EXTL1: variants seen among roughly 807,000 people sequenced by gnomAD.
The protein encoded by EXTL1 is exostosin-like 1.
Under a neutral mutation model 64.6 loss-of-function variants are expected in EXTL1, and 43 were observed. That is an observed-to-expected ratio of 0.67 (90% confidence interval 0.52 to 0.86). EXTL1 has a LOEUF of 0.86. EXTL1 is among the 40% of genes least tolerant of loss of function. The pLI, the probability that EXTL1 is intolerant of heterozygous loss-of-function variation, is 0.00. For missense variants in EXTL1, 766 were observed against 879.0 expected (o/e 0.87, Z 1.62); for synonymous variants, 352 against 360.5 (o/e 0.98, Z 0.27).
intron 1 of EXTL1, among the ~76,000 whole-genome samples, chr1:26,027,565 G>A (rs74223979): frequency 0.038 from 5,789 of 151,682 alleles, 282 homozygotes; most frequent in East Asian, 0.13. Flanking sequence ...TTAAGACAGC[G>A]TAGAAGAAGG....
At chr1:26,027,664 G>A (rs1387784649) in intron 1 of EXTL1, among the ~76,000 whole-genome samples, 1 of 130,612 alleles carries the variant, frequency 7.7e-6, no homozygotes, top group Non-Finnish European at 1.7e-5. Flanking sequence ...GAGACAGCCT[G>A]GGCAACACAG....
Position 26,029,604 on chromosome 1 carries a change from G to C in EXTL1, c.878G>C (p.Gly293Ala). ...ASRFLQALQA[G>A]CIPVLLSPRW... ...AGTGACCTCCCCGCCCCCCAGGCCG[G>C]CTGCATCCCAGTGCTTCTCAGCCCC... The change falls in exon 3 of 11, where the codon GGC becomes GCC. Residue 293 changes from glycine to alanine, a missense_variant. Gly to Ala is a moderately conservative substitution (Grantham distance 60). This residue lies in a region of EXTL1 where 571 missense variants were observed against 647.6 expected (regional missense o/e 0.88). Transcript: ENST00000374280. 1 of 1,602,592 alleles carries C rather than the reference G, an allele frequency of 6.2e-7. No individual in the cohort carries two copies. Among genetic ancestry groups the C allele is most frequent in the Non-Finnish European group, 8.5e-7 (1 of 1,174,014 alleles).
At position 26,029,716 on chromosome 1, in the gene EXTL1, G is replaced by C. The variant is rs1040805790; in HGVS notation, c.981+9G>C. 6.9e-6 allele frequency: 11 copies of C among 1,586,214 alleles called. No individual in the cohort carries two copies. The African/African-American group carries it at 1.5e-4, about 21-fold the overall frequency. On this transcript the variant is annotated intron_variant, in intron 3 of 10. Coordinates refer to ENST00000374280, the MANE Select transcript of EXTL1 (RefSeq NM_004455.3). ...AGAGGCTCCCACTTCAGGTAGCTCA[G>C]AGCCCTGCCCACAGGGTGGGAACTG...
intron 1 of EXTL1, 82 bp from the exon 2 acceptor site, chr1:26,029,111 G>A (rs2050250221): frequency 1.0e-6 from 1 of 975,830 alleles, no homozygotes; most frequent in Admixed American, 1.9e-5. Context: ...GGGGTGTGGG[G>A]TTCTCCCATT....
chr1:26,032,297 T>A, intron 6 of EXTL1, 99 bp from the exon 7 acceptor site: 4 of 764,998 alleles, frequency 5.2e-6, no homozygotes, highest in Non-Finnish European at 8.9e-6. Context: ...AAAGCTGACT[T>A]CTCAAACTTC....
Position 26,029,605 on chromosome 1 carries a change from C to A in EXTL1, c.879C>A (p.Gly293=), listed in dbSNP as rs2124408034. 1 of 1,603,442 alleles carries A rather than the reference C, an allele frequency of 6.2e-7. No individual in the cohort carries two copies. Among genetic ancestry groups the A allele is most frequent in the Non-Finnish European group, 8.5e-7 (1 of 1,174,450 alleles). The change falls in exon 3 of 11, where the codon GGC becomes GGA. Residue 293 remains glycine (G), a synonymous_variant. Transcript: ENST00000374280. Reference sequence around the variant, plus strand: ...GTGACCTCCCCGCCCCCCAGGCCGGCTGCATCCCAGTGCTTCTCAGCCCCC... The same window carrying A: ...GTGACCTCCCCGCCCCCCAGGCCGGATGCATCCCAGTGCTTCTCAGCCCCC... ...ASRFLQALQA[G]CIPVLLSPRW...
In EXTL1 at chr1:26,033,059, G is replaced by C. The variant is rs941789877; in HGVS notation, c.1432-170G>C. On this transcript the variant is annotated intron_variant, in intron 7 of 10. Coordinates refer to ENST00000374280, the MANE Select transcript of EXTL1 (RefSeq NM_004455.3). This position sits in a 1 kb window ranked among gnomAD's most constrained non-coding sequence, Gnocchi z 5.1. Reference sequence around the variant, plus strand: ...AAATGAGTTGCCCAGGTCCCAAAACGAGCTCTGCACAGGCTTGCCATATTT... The same window carrying C: ...AAATGAGTTGCCCAGGTCCCAAAACCAGCTCTGCACAGGCTTGCCATATTT... Among the ~76,000 whole-genome samples the C allele has an allele frequency of 3.3e-5, 5 of 152,124 alleles. No homozygotes were observed. The highest frequency in any genetic ancestry group is 1.2e-4 in the African/African-American group (5 of 41,432).
chr1:26,029,205 G>C lies in EXTL1; in HGVS notation c.792G>C (p.Gln264His). Residue 264 changes from glutamine to histidine, a missense_variant, in exon 2 of 11, where the codon CAG becomes CAC. By Grantham distance (24) the Gln-to-His change is conservative (BLOSUM62 0). Coordinates refer to ENST00000374280, the MANE Select transcript of EXTL1 (RefSeq NM_004455.3). ...TGTGCCTCTTTAGGACCCAGCGCCAGGAGACGCTGCCCAATGCCACCTTCT... is the reference window on the plus strand; with the variant it reads ...TGTGCCTCTTTAGGACCCAGCGCCACGAGACGCTGCCCAATGCCACCTTCT... ...QDPGPGQTQR[Q>H]ETLPNATFCL... 5.0e-6 allele frequency: 8 copies of C among 1,613,476 alleles called. No individual in the cohort carries two copies. The highest frequency in any genetic ancestry group is 2.2e-5 in the East Asian group (1 of 44,876).
At chr1:26,028,830 A>G (rs2050246415) in intron 1 of EXTL1, among the ~76,000 whole-genome samples, 1 of 152,184 alleles carries the variant, frequency 6.6e-6, no homozygotes, top group African/African-American at 2.4e-5. Flanking sequence ...GGGAGGGCAG[A>G]CGTGCATGTC....
rs757745355 is a variant in EXTL1 at position 26,023,344 on chromosome 1, G to GA, written c.698_699insA (p.Gly235TrpfsTer19). ...GCCCTGCTAGCCCTGGAAGAGGAGA[G>GA]GGGTGGGTGGCGCACAGCAGACACT... On this transcript the variant is annotated frameshift_variant, in exon 1 of 11. Transcript: ENST00000374280. LOFTEE classifies it high-confidence loss of function. 1.9e-5 allele frequency: 28 copies of GA among 1,507,448 alleles called. No homozygotes were observed. The Middle Eastern group carries it at 7.1e-4, about 38-fold the overall frequency. 93.4% of individuals were successfully genotyped at this position (1,507,448 alleles called of 1,614,324 possible). A position where few individuals can be genotyped will look rare whatever the true frequency, so the allele number is the denominator to read the frequency against.
In EXTL1 at chr1:26,033,603, G is replaced by A. The variant is rs1393264176; in HGVS notation, c.1519-93G>A. On this transcript the variant is annotated intron_variant, in intron 8 of 10. Transcript: ENST00000374280. The surrounding 1 kb of genome is among the most constrained non-coding windows in gnomAD (Gnocchi z 5.1). ...GCCCTCTCCCCTGAGTCCTGCCCGGGCCCCTCAGCCAGGCTGCCCCTGCCT... is the reference window on the plus strand; with the variant it reads ...GCCCTCTCCCCTGAGTCCTGCCCGGACCCCTCAGCCAGGCTGCCCCTGCCT... The A allele has an allele frequency of 1.4e-5, 19 of 1,358,668 alleles. No individual in the cohort carries two copies. The East Asian group carries it at 4.4e-4, about 31-fold the overall frequency. 84.2% of individuals were successfully genotyped at this position (1,358,668 alleles called of 1,614,324 possible).
rs753878876 is a variant in EXTL1 at position 26,034,429 on chromosome 1, G to A, written c.1680-407G>A. Among the ~76,000 whole-genome samples, 4 of 152,192 alleles carry A rather than the reference G, an allele frequency of 2.6e-5. No homozygotes were observed. The highest frequency in any genetic ancestry group is 9.7e-5 in the African/African-American group (4 of 41,438). ...GAGTGAAGAATTACCTAATGTCTGC[G>A]AGATGAGGCTGGCCTGTCTGAGGGC... On this transcript the variant is annotated intron_variant, in intron 9 of 10. Transcript: ENST00000374280. This position sits in a 1 kb window ranked among gnomAD's most constrained non-coding sequence, Gnocchi z 4.6.
Position 26,033,551 on chromosome 1 carries a change from C to T in EXTL1, c.1519-145C>T, listed in dbSNP as rs2050309606. ...CCTGGAAGCTTTCATGCCACACTTC[C>T]AGCCAATTCCAAGTCTTGGCTCCCG... On this transcript the variant is annotated intron_variant, in intron 8 of 10. Transcript: ENST00000374280. The surrounding 1 kb of genome is among the most constrained non-coding windows in gnomAD (Gnocchi z 5.1). The T allele has an allele frequency of 3.5e-6, 3 of 852,324 alleles. No individual in the cohort carries two copies. The highest frequency in any genetic ancestry group is 5.7e-6 in the Non-Finnish European group (3 of 527,780). 52.8% of individuals were successfully genotyped at this position (852,324 alleles called of 1,614,324 possible). A position where few individuals can be genotyped will look rare whatever the true frequency, so the allele number is the denominator to read the frequency against.
At position 26,025,027 on chromosome 1, in the gene EXTL1, A is replaced by C. The variant is rs1303699469; in HGVS notation, c.779+1602A>C. Among the ~76,000 whole-genome samples the C allele has an allele frequency of 6.6e-6, 1 of 152,114 alleles. No individual in the cohort carries two copies. The highest frequency in any genetic ancestry group is 2.4e-5 in the African/African-American group (1 of 41,416). ...TCACCCTCTGAGTAGCATTTTTGAT[A>C]AGTTTTATTTCCCAGGGGCGAAGCT... On this transcript the variant is annotated intron_variant, in intron 1 of 10. Transcript: ENST00000374280. The surrounding 1 kb of genome is among the most constrained non-coding windows in gnomAD (Gnocchi z 5.3).
At position 26,035,233 on chromosome 1, in the gene EXTL1, G is replaced by T. The variant is rs769010982; in HGVS notation, c.1917G>T (p.Ala639=). The T allele has an allele frequency of 2.5e-6, 4 of 1,613,382 alleles. No homozygotes were observed. Among genetic ancestry groups the T allele is most frequent in the African/African-American group, 2.7e-5 (2 of 74,924 alleles). The part of the protein sequence containing the change: ...APAPDCINQI[A]AAFGHMPLLS... ...CCCCCGACTGCATCAACCAGATAGCGGCAGCGTTCGGCCACATGCCCTTGC... is the reference window on the plus strand; with the variant it reads ...CCCCCGACTGCATCAACCAGATAGCTGCAGCGTTCGGCCACATGCCCTTGC... Residue 639 remains alanine (A), a synonymous_variant, in exon 11 of 11, where the codon GCG becomes GCT. Transcript: ENST00000374280. This position sits in a 1 kb window ranked among gnomAD's most constrained non-coding sequence, Gnocchi z 5.3.
Position 26,022,921 on chromosome 1 carries a change from G to A in EXTL1, c.275G>A (p.Arg92Lys). The A allele has an allele frequency of 6.2e-7, 1 of 1,614,136 alleles. No individual in the cohort carries two copies. The highest frequency in any genetic ancestry group is 1.3e-5 in the African/African-American group (1 of 75,064). Residue 92 changes from arginine to lysine, a missense_variant, in exon 1 of 11, where the codon AGG becomes AAG. By Grantham distance (26) the Arg-to-Lys change is conservative (BLOSUM62 2). Transcript: ENST00000374280. ...WESCFDTSKC[R>K]GDGLKVFVYP... is the part of the protein sequence containing the mutation. ...TCTTGCTTTGATACCTCAAAGTGCA[G>A]GGGCGATGGCCTTAAGGTATTCGTG...
At chr1:26,027,693 A>AAAAAAAAAAAAAAAAGAAAAAAAAAAAG (rs2050233613) in intron 1 of EXTL1, among the ~76,000 whole-genome samples, 1 of 131,458 alleles carries the variant, frequency 7.6e-6, no homozygotes, top group Non-Finnish European at 1.6e-5. Flanking sequence ...CATCTCTAAA[A>AAAAAAAAAAAAAAAAGAAAAAAAAAAAG]AAAAAAAAAA....
intron 4 of EXTL1, 99 bp downstream of exon 4, chr1:26,030,694 C>T (rs2050274165): frequency 7.3e-7 from 1 of 1,361,638 alleles, no homozygotes; most frequent in Non-Finnish European, 9.9e-7. Flanking sequence ...GGAACCCCCC[C>T]CCCTTCCTTG....
At chr1:26,024,222 A>C (rs192418538) in intron 1 of EXTL1, among the ~76,000 whole-genome samples, 1 of 152,046 alleles carries the variant, frequency 6.6e-6, no homozygotes, top group East Asian at 1.9e-4. Flanking sequence ...TCCCCTAAGC[A>C]CTCTAACCCT....
Sources: allele counts gnomAD v4.1 joint callset (sites outside exome capture counted in the v4.1 genomes callset), GRCh38; gene constraint gnomAD v4.1.1; regional missense constraint gnomAD v4.1.1; non-coding constraint Gnocchi (gnomAD v3.1); transcripts MANE v1.5; gene names NCBI Gene and HGNC (gene_info 2026-07-23, HGNC 2026-07-21).